Variants in NSUN6 observed in about 807,000 individuals in gnomAD.
NSUN6 encodes NOP2/Sun RNA methyltransferase 6, also known as tRNA (cytosine(72)-C(5))-methyltransferase NSUN6.
NSUN6 carries 64 observed loss-of-function variants against 58.0 expected under a neutral mutation model. That is an observed-to-expected ratio of 1.10 (90% CI 0.90 to 1.36). The LOEUF (loss-of-function observed/expected upper bound fraction) is 1.36, where lower values mean the gene tolerates loss of function less well. Ranked by LOEUF, NSUN6 falls within the 40% of genes most tolerant of loss-of-function variation. The pLI is 0.00. For synonymous variants in NSUN6, 231 were observed against 193.9 expected, an observed-to-expected ratio of 1.19 and a Z score of -1.59; for missense variants, 701 against 550.1, an observed-to-expected ratio of 1.27 and a Z score of -2.74.
chr10:18,596,478 G>A, intron 6 of NSUN6, 151 bp from the exon 7 acceptor site: 1 of 562,576 alleles, frequency 1.8e-6, no homozygotes, highest in South Asian at 2.3e-5. Context: ...CTCAGGTTAG[G>A]AAATTCACAA....
At chr10:18,571,622 C>A (rs1401298956) in intron 8 of NSUN6, among the ~76,000 whole-genome samples, 1 of 151,168 alleles carries the variant, frequency 6.6e-6, no homozygotes, top group Non-Finnish European at 1.5e-5. Context: ...TTCTCCCATT[C>A]CATTCCATTC....
At chr10:18,605,651 C>T (rs770273304) in intron 6 of NSUN6, among the ~76,000 whole-genome samples, 20 of 152,190 alleles carry the variant, frequency 1.3e-4, no homozygotes, top group Middle Eastern at 3.2e-3. Flanking sequence ...TCAAAACAAA[C>T]ATCACCAGTA....
At chr10:18,627,768 G>A (rs1408012618) in intron 3 of NSUN6, among the ~76,000 whole-genome samples, 4 of 152,268 alleles carry the variant, frequency 2.6e-5, no homozygotes, top group Non-Finnish European at 4.4e-5. Flanking sequence ...CGCCCACGGA[G>A]TCTCGCTGAT....
chr10:18,610,454 GAA>G (rs1273269462), intron 5 of NSUN6, among the ~76,000 whole-genome samples: 1 of 152,198 alleles, frequency 6.6e-6, no homozygotes, highest in African/African-American at 2.4e-5. Context: ...AACTAAAAAG[GAA>G]AAAGTTACAT....
At chr10:18,549,564 C>T (rs981097184) in intron 9 of NSUN6, among the ~76,000 whole-genome samples, 3 of 152,070 alleles carry the variant, frequency 2.0e-5, no homozygotes, top group African/African-American at 4.8e-5. Context: ...ATGGAAACCT[C>T]GTGAATAAGG....
chr10:18,611,479 A>G (rs2058233860), intron 5 of NSUN6, among the ~76,000 whole-genome samples: 1 of 152,110 alleles, frequency 6.6e-6, no homozygotes, highest in African/African-American at 2.4e-5. Context: ...ATACCCGTGG[A>G]CTATTACTGA....
chr10:18,594,406 C>G (rs920350776), intron 7 of NSUN6, among the ~76,000 whole-genome samples: 1 of 151,792 alleles, frequency 6.6e-6, no homozygotes. Context: ...TCAAATACTA[C>G]CAGGTTCAGT....
rs1447745336 is a variant in NSUN6, at chr10:18,596,224, G to A, written c.761C>T (p.Ala254Val). ...APGGKTTHIA[A>V]LMHDQGEVIA... ...CAGTCTCACCTGATCATGCATTAGTGCTGCAATGTGTGTTGTTTTCCCTCC... is the reference window on the plus strand; with the variant it reads ...CAGTCTCACCTGATCATGCATTAGTACTGCAATGTGTGTTGTTTTCCCTCC... The change falls in exon 7 of 11, where the codon GCA becomes GTA. Residue 254 changes from alanine (A) to valine (V), a missense_variant. Transcript: ENST00000377304. The A allele has an allele frequency of 6.2e-7, 1 of 1,611,210 alleles. No individual in the cohort carries two copies. The highest frequency in any genetic ancestry group is 2.2e-5 in the East Asian group (1 of 44,848).
chr10:18,605,450 G>A (rs935697902), intron 6 of NSUN6, among the ~76,000 whole-genome samples: 2 of 152,148 alleles, frequency 1.3e-5, no homozygotes, highest in African/African-American at 4.8e-5. Context: ...GAAAATCATT[G>A]TTCTGTAACA....
At chr10:18,599,781 A>T (rs2057733683) in intron 6 of NSUN6, among the ~76,000 whole-genome samples, 1 of 152,212 alleles carries the variant, frequency 6.6e-6, no homozygotes, top group Admixed American at 6.5e-5. Context: ...TGAGGCAATT[A>T]AAAAATTCAG....
chr10:18,565,452 CTCTCCATTCCAGTTCAG>C (rs2055856297), intron 8 of NSUN6, among the ~76,000 whole-genome samples: 1 of 147,708 alleles, frequency 6.8e-6, no homozygotes, highest in Non-Finnish European at 1.5e-5. Context: ...TTTCATTCCA[CTCTCCATTCCAGTTCAG>C]TCTCCATTCT....
chr10:18,632,919 G>T (rs2059085709), intron 3 of NSUN6, among the ~76,000 whole-genome samples: 1 of 152,118 alleles, frequency 6.6e-6, no homozygotes, highest in African/African-American at 2.4e-5. Context: ...TATACCCAAA[G>T]GACTATAAAT....
chr10:18,634,743 C>T (rs993383805), intron 3 of NSUN6, among the ~76,000 whole-genome samples: 1 of 147,040 alleles, frequency 6.8e-6, no homozygotes, highest in African/African-American at 2.5e-5. Context: ...GGTGACAGAG[C>T]GAGACTCTGT....
chr10:18,629,763 A>G (rs1795381813), intron 3 of NSUN6, among the ~76,000 whole-genome samples: 1 of 146,808 alleles, frequency 6.8e-6, no homozygotes, highest in Non-Finnish European at 1.5e-5. Flanking sequence ...GCAAGTCCTG[A>G]GTGACCTACA....
chr10:18,658,338 T>G (rs1049284153), upstream of NSUN6: 1 of 152,210 alleles, frequency 6.6e-6, no homozygotes, highest in Non-Finnish European at 1.5e-5. Context: ...CTCAAGAGTT[T>G]GGCATGTTAA....
intron 4 of NSUN6, among the ~76,000 whole-genome samples, chr10:18,615,628 T>G (rs2058382765): frequency 6.6e-6 from 1 of 152,168 alleles, no homozygotes; most frequent in South Asian, 2.1e-4. Context: ...ACAGATCAAA[T>G]TATTCATTTC....
chr10:18,574,828 G>A (rs559749437), intron 8 of NSUN6, among the ~76,000 whole-genome samples: 3 of 152,230 alleles, frequency 2.0e-5, no homozygotes, highest in South Asian at 2.1e-4. Flanking sequence ...CCCGAGTACT[G>A]AATAATCTTC....
At chr10:18,574,861 T>C (rs1453783541) in intron 8 of NSUN6, among the ~76,000 whole-genome samples, 1 of 152,094 alleles carries the variant, frequency 6.6e-6, no homozygotes. Context: ...AAACAACTAT[T>C]GTCCATGTTT....
chr10:18,587,368 A>G (rs1053865078), intron 7 of NSUN6, among the ~76,000 whole-genome samples: 1 of 152,208 alleles, frequency 6.6e-6, no homozygotes, highest in African/African-American at 2.4e-5. Context: ...CTGGAAAAAT[A>G]TAAGCCAAAA....
Sources: allele counts gnomAD v4.1 joint callset (sites outside exome capture counted in the v4.1 genomes callset), GRCh38; gene constraint gnomAD v4.1.1; transcripts MANE v1.5; gene names NCBI Gene and HGNC (gene_info 2026-07-23, HGNC 2026-07-21).